The following PKHD1L1 variants were observed in gnomAD, a reference collection of about 807,000 sequenced individuals.
PKHD1L1 encodes the protein fibrocystin-L.
A neutral mutation model predicts 462.9 loss-of-function variants in PKHD1L1; 434 were observed. That is an observed-to-expected ratio of 0.94 (90% CI 0.87 to 1.02). The LOEUF (loss-of-function observed/expected upper bound fraction) is 1.02. Ranked by LOEUF, PKHD1L1 falls within the 50% of genes least tolerant of loss-of-function variation. PKHD1L1 has a pLI of 0.00. For synonymous variants in PKHD1L1, 1,781 were observed against 1,750.0 expected, an observed-to-expected ratio of 1.02 and a Z score of -0.44; for missense variants, 5,202 against 5,096.1, an observed-to-expected ratio of 1.02 and a Z score of -0.63.
At chr8:109,391,697 G>C (rs540053714) in intron 9 of PKHD1L1, among the ~76,000 whole-genome samples, 5 of 152,182 alleles carry the variant, frequency 3.3e-5, no homozygotes, top group African/African-American at 1.2e-4. Context: ...TTTTGTCTCT[G>C]AACAATGATC....
At chr8:109,517,230 G>T (rs183648707) in intron 72 of PKHD1L1, among the ~76,000 whole-genome samples, 1 of 152,054 alleles carries the variant, frequency 6.6e-6, no homozygotes, top group African/African-American at 2.4e-5. Context: ...TTAAGTGAAC[G>T]TTTTGCTTTG....
At chr8:109,379,461 A>C (rs895157428) in intron 2 of PKHD1L1, among the ~76,000 whole-genome samples, 2 of 152,234 alleles carry the variant, frequency 1.3e-5, no homozygotes, top group Admixed American at 1.3e-4. Context: ...CATGTAGCTT[A>C]GTAGAATGAT....
chr8:109,363,215 C>T (rs1811067169), intron 1 of PKHD1L1, among the ~76,000 whole-genome samples: 1 of 152,104 alleles, frequency 6.6e-6, no homozygotes, highest in Non-Finnish European at 1.5e-5. Flanking sequence ...GGAGGATGAA[C>T]CTGAGATAGG....
chr8:109,508,307 G>T, intron 70 of PKHD1L1, 43 bp downstream of exon 70: 1 of 1,528,768 alleles, frequency 6.5e-7, no homozygotes. Context: ...TCAAAACATT[G>T]CTTGTTATTA....
chr8:109,406,083 G>T (rs565623069), intron 16 of PKHD1L1, among the ~76,000 whole-genome samples: 3 of 152,044 alleles, frequency 2.0e-5, no homozygotes, highest in Non-Finnish European at 4.4e-5. Context: ...CAAATCCAAT[G>T]ATTATTACTG....
At chr8:109,468,608 A>G (rs1817565921) in intron 50 of PKHD1L1, among the ~76,000 whole-genome samples, 1 of 152,202 alleles carries the variant, frequency 6.6e-6, no homozygotes. Flanking sequence ...CTGGAACTGG[A>G]GAAAGAACCA....
intron 32 of PKHD1L1, 100 bp from the exon 33 acceptor site, chr8:109,440,610 C>T: frequency 2.0e-6 from 2 of 1,025,054 alleles, no homozygotes; most frequent in Non-Finnish European, 2.8e-6. Context: ...GTTAAATATC[C>T]AGTTATTTCC....
chr8:109,434,344 A>G (rs1480769927), intron 28 of PKHD1L1, among the ~76,000 whole-genome samples: 3 of 151,856 alleles, frequency 2.0e-5, no homozygotes, highest in African/African-American at 7.3e-5. Context: ...GTTTTCATAC[A>G]TACATCTCTG....
intron 19 of PKHD1L1, 32 bp downstream of exon 19, chr8:109,410,010 C>A: frequency 8.7e-7 from 1 of 1,155,432 alleles, no homozygotes; most frequent in Non-Finnish European, 1.2e-6. Context: ...GTGAAACTGA[C>A]CTAATAAGAA....
At position 109,448,309 on chromosome 8, in the gene PKHD1L1, GCA is replaced by G. The variant is rs1297478670; in HGVS notation, c.5944_5945del (p.His1982SerfsTer2). On this transcript the variant is annotated frameshift_variant, in exon 39 of 78. Coordinates refer to ENST00000378402, the MANE Select transcript of PKHD1L1 (RefSeq NM_177531.6). LOFTEE classifies it high-confidence loss of function. ...HAGGTFPVMM[H>X]HKTKGSAMST... is the part of the protein sequence containing the mutation. The stretch of plus-strand genomic sequence containing the variant: ...CTGGGGGCACATTTCCTGTTATGAT[GCA>G]TCATAAGACAAAAGGCTCAGCCATG... 1 of 1,613,600 alleles carries G rather than the reference GCA, an allele frequency of 6.2e-7. No individual in the cohort carries two copies. The highest frequency in any genetic ancestry group is 8.5e-7 in the Non-Finnish European group (1 of 1,179,774).
intron 42 of PKHD1L1, 69 bp downstream of exon 42, chr8:109,452,349 G>C: frequency 7.5e-7 from 1 of 1,329,614 alleles, no homozygotes. Context: ...GGGCTAATTG[G>C]TAATTGTTGT....
rs1446145480 is a variant in PKHD1L1, at chr8:109,532,114, C to T, written c.*2024C>T. On this transcript the variant is annotated 3_prime_UTR_variant, in exon 78 of 78. Coordinates refer to ENST00000378402, the MANE Select transcript of PKHD1L1 (RefSeq NM_177531.6). ...GTCCACCATCTGTATTCTTTTCTTA[C>T]CTAAAGGTTTAATTCAGCCCACTGG... Among the ~76,000 whole-genome samples, 1 of 152,118 alleles carries T rather than the reference C, an allele frequency of 6.6e-6. No individual in the cohort carries two copies. The highest frequency in any genetic ancestry group is 1.5e-5 in the Non-Finnish European group (1 of 68,022).
chr8:109,492,105 G>A, intron 62 of PKHD1L1, 111 bp downstream of exon 62: 2 of 905,678 alleles, frequency 2.2e-6, no homozygotes, highest in Middle Eastern at 3.8e-4. Flanking sequence ...AAAAGATGAT[G>A]TAAGTTTCGA....
chr8:109,486,327 C>A (rs61247948), intron 58 of PKHD1L1, among the ~76,000 whole-genome samples: 4,246 of 151,980 alleles, frequency 0.028, 126 homozygotes, highest in African/African-American at 0.072. Context: ...CTCAATTTGC[C>A]ACACAACAGG....
Position 109,490,037 on chromosome 8 carries a change from G to A in PKHD1L1, c.9966G>A (p.Thr3322=), listed in dbSNP as rs199629163. The change falls in exon 60 of 78, where the codon ACG becomes ACA. Residue 3322 remains threonine, a synonymous_variant. Coordinates refer to ENST00000378402, the MANE Select transcript of PKHD1L1 (RefSeq NM_177531.6). The part of the protein sequence containing the change: ...RDSTDPRYAV[T]FLNLGQIQEH... The stretch of plus-strand genomic sequence containing the variant: ...GCACAGATCCAAGATATGCTGTAAC[G>A]TTTCTTAACCTAGGACAGGTTTGTG... The A allele has an allele frequency of 4.8e-4, 767 of 1,603,536 alleles. 2 individuals carry two copies. The highest frequency in any genetic ancestry group is 4.3e-3 in the Middle Eastern group (26 of 6,030).
At chr8:109,478,316 C>A (rs1158489582) in intron 53 of PKHD1L1, among the ~76,000 whole-genome samples, 2 of 152,098 alleles carry the variant, frequency 1.3e-5, no homozygotes, top group African/African-American at 4.8e-5. Context: ...CAATTATAAA[C>A]AACATAGATG....
At chr8:109,455,732 G>A (rs540654895) in intron 45 of PKHD1L1, among the ~76,000 whole-genome samples, 15 of 152,142 alleles carry the variant, frequency 9.9e-5, no homozygotes, top group African/African-American at 3.6e-4. Flanking sequence ...AAGAAAGCAT[G>A]GTGTGAATCT....
At chr8:109,497,724 CA>C (rs1554592516) in intron 65 of PKHD1L1, among the ~76,000 whole-genome samples, 3 of 152,106 alleles carry the variant, frequency 2.0e-5, no homozygotes, top group South Asian at 2.1e-4. Context: ...CCGCACCCAA[CA>C]AAAAAGCTGT....
At chr8:109,512,943 A>G (rs1401222713) in intron 71 of PKHD1L1, among the ~76,000 whole-genome samples, 3 of 151,680 alleles carry the variant, frequency 2.0e-5, no homozygotes, top group Non-Finnish European at 4.4e-5. Context: ...TAGGTATTTT[A>G]TTTTCTTTGA....
Sources: gnomAD v4.1 joint callset for allele counts (sites outside exome capture counted in the v4.1 genomes callset) on GRCh38, gnomAD v4.1.1 for gene constraint, MANE v1.5 for transcripts, NCBI Gene and HGNC (gene_info 2026-07-23, HGNC 2026-07-21) for gene names.